Variants in KATNIP observed in about 807,000 individuals in gnomAD.
KATNIP encodes the protein katanin-interacting protein.
KATNIP carries 126 observed loss-of-function variants against 174.0 expected under a neutral mutation model. The observed-to-expected ratio is 0.72, with a 90% CI of 0.63 to 0.84. KATNIP has a LOEUF of 0.84. Among genes scored for constraint, KATNIP ranks in the 40% least tolerant of loss-of-function variants. KATNIP has a pLI of 0.00. For synonymous variants in KATNIP, 810 were observed against 835.7 expected (o/e 0.97, Z 0.53); for missense variants, 1,958 against 2,109.7 (o/e 0.93, Z 1.41).
At chr16:27,760,436 C>T (rs2081908714) in intron 18 of KATNIP, among the ~76,000 whole-genome samples, 2 of 152,262 alleles carry the variant, frequency 1.3e-5, no homozygotes, top group South Asian at 4.1e-4. Flanking sequence ...GCTGTTTTGC[C>T]CCAGGGCCAC....
At chr16:27,584,328 C>T (rs2090806766) in intron 2 of KATNIP, among the ~76,000 whole-genome samples, 1 of 151,858 alleles carries the variant, frequency 6.6e-6, no homozygotes, top group Non-Finnish European at 1.5e-5. Flanking sequence ...GTCCTGGAGA[C>T]AAAGGTTGGG....
At chr16:27,667,579 G>T (rs919044099) in intron 6 of KATNIP, among the ~76,000 whole-genome samples, 2 of 152,054 alleles carry the variant, frequency 1.3e-5, no homozygotes, top group Admixed American at 6.5e-5. Flanking sequence ...GGGGCAGGGG[G>T]TTGGTTGGGG....
chr16:27,683,513 C>T (rs2078419822), intron 8 of KATNIP, among the ~76,000 whole-genome samples: 1 of 152,144 alleles, frequency 6.6e-6, no homozygotes, highest in Non-Finnish European at 1.5e-5. Flanking sequence ...GGGAGGCAAC[C>T]CCTGTCGGCA....
chr16:27,731,243 C>T (rs1438869554), intron 14 of KATNIP, among the ~76,000 whole-genome samples: 1 of 152,204 alleles, frequency 6.6e-6, no homozygotes, highest in Non-Finnish European at 1.5e-5. Context: ...ATGCATGGGG[C>T]TCCTCCTATG....
At chr16:27,778,530 T>C (rs780588997) in intron 27 of KATNIP, 44 bp from the exon 28 acceptor site, 32 of 1,601,018 alleles carry the variant, frequency 2.0e-5, no homozygotes, top group Non-Finnish European at 2.7e-5. Context: ...CCTCCAGGGT[T>C]TGAGACTTAG....
chr16:27,737,329 C>A (rs1343283435), intron 14 of KATNIP, among the ~76,000 whole-genome samples: 1 of 152,054 alleles, frequency 6.6e-6, no homozygotes, highest in Non-Finnish European at 1.5e-5. Context: ...TTGCAGTGAA[C>A]CCTGATCGAG....
Position 27,631,183 on chromosome 16 carries a change from G to A in KATNIP, c.408+21G>A. On this transcript the variant is annotated intron_variant, in intron 5 of 27. Coordinates refer to ENST00000261588, the MANE Select transcript of KATNIP (RefSeq NM_015202.5). The stretch of plus-strand genomic sequence containing the variant: ...ACCAGGTCTGGAGACTGTGGCCCCA[G>A]CCCACGCTTTAGAATACAGAGTGTG... 9 of 1,532,688 alleles carry A rather than the reference G, an allele frequency of 5.9e-6. No homozygotes were observed. In the South Asian group the frequency reaches 1.1e-4, roughly 18 times the overall value. The allele number at this position is 1,532,688 out of a possible 1,614,324, so 94.9% of individuals were successfully genotyped here.
At chr16:27,691,770 G>C (rs1428292451) in intron 8 of KATNIP, among the ~76,000 whole-genome samples, 2 of 152,238 alleles carry the variant, frequency 1.3e-5, no homozygotes, top group African/African-American at 4.8e-5. Context: ...AGCACCTGAT[G>C]ATCATGTTGC....
chr16:27,560,118 C>T (rs1021606278), intron 1 of KATNIP, among the ~76,000 whole-genome samples: 1 of 151,858 alleles, frequency 6.6e-6, no homozygotes, highest in African/African-American at 2.4e-5. Context: ...CCCGTCTCCA[C>T]TAAAAATACA....
At chr16:27,583,098 C>T (rs2090760466) in intron 2 of KATNIP, among the ~76,000 whole-genome samples, 1 of 152,180 alleles carries the variant, frequency 6.6e-6, no homozygotes, top group South Asian at 2.1e-4. Context: ...AGGGCCAAGA[C>T]TCCAGTGCCG....
At chr16:27,639,258 G>T (rs889400415) in intron 5 of KATNIP, among the ~76,000 whole-genome samples, 3 of 152,158 alleles carry the variant, frequency 2.0e-5, no homozygotes, top group Non-Finnish European at 2.9e-5. Context: ...GGTTTGGGGA[G>T]GATCATGGCG....
At chr16:27,674,118 T>G (rs1273425761) in intron 6 of KATNIP, among the ~76,000 whole-genome samples, 1 of 152,212 alleles carries the variant, frequency 6.6e-6, no homozygotes, top group Non-Finnish European at 1.5e-5. Flanking sequence ...ACCACTGCAC[T>G]GGGCAACAGA....
At chr16:27,625,876 GTC>G (rs2076317922) in intron 3 of KATNIP, among the ~76,000 whole-genome samples, 1 of 149,778 alleles carries the variant, frequency 6.7e-6, no homozygotes, top group Non-Finnish European at 1.5e-5. Context: ...TGGAGACAAG[GTC>G]TCTGTCTGTC....
At chr16:27,748,266 C>T (rs757028013) in intron 15 of KATNIP, among the ~76,000 whole-genome samples, 6 of 152,182 alleles carry the variant, frequency 3.9e-5, no homozygotes, top group Non-Finnish European at 5.9e-5. Context: ...TTATAATATA[C>T]CTGGCTTAAT....
At chr16:27,557,070 A>G (rs2089657572) in intron 1 of KATNIP, among the ~76,000 whole-genome samples, 1 of 152,056 alleles carries the variant, frequency 6.6e-6, no homozygotes, top group African/African-American at 2.4e-5. Flanking sequence ...TGCCAAAATG[A>G]GTAAGATTGA....
chr16:27,760,427 C>T (rs2081908389), intron 18 of KATNIP, among the ~76,000 whole-genome samples: 1 of 152,186 alleles, frequency 6.6e-6, no homozygotes, highest in Admixed American at 6.5e-5. Context: ...GACATCTGGG[C>T]TGTTTTGCCC....
At chr16:27,600,727 C>T (rs1280345292) in intron 2 of KATNIP, among the ~76,000 whole-genome samples, 2 of 151,552 alleles carry the variant, frequency 1.3e-5, no homozygotes, top group African/African-American at 2.4e-5. Context: ...GCACAGCTGC[C>T]TCCTCTTTTT....
chr16:27,620,752 C>T (rs1298288759), intron 3 of KATNIP, among the ~76,000 whole-genome samples: 3 of 152,140 alleles, frequency 2.0e-5, no homozygotes, highest in East Asian at 3.9e-4. Context: ...GGGATGTAAT[C>T]GTTGGAGTGA....
At chr16:27,771,486 T>C in intron 21 of KATNIP, 102 bp from the exon 22 acceptor site, 2 of 1,151,990 alleles carry the variant, frequency 1.7e-6, no homozygotes, top group Non-Finnish European at 2.5e-6. Flanking sequence ...TAGGGAACGC[T>C]AAACTGCCAT....
Sources: allele counts gnomAD v4.1 joint callset (sites outside exome capture counted in the v4.1 genomes callset), GRCh38; gene constraint gnomAD v4.1.1; transcripts MANE v1.5; gene names NCBI Gene and HGNC (gene_info 2026-07-23, HGNC 2026-07-21).